Variants in HLA-E observed in about 807,000 individuals in gnomAD.
HLA-E encodes the protein major histocompatibility complex, class I, E.
In HLA-E, 25 loss-of-function variants were observed where a neutral mutation model predicts 43.4. That is an observed-to-expected ratio of 0.58 (90% CI 0.42 to 0.80). The LOEUF is 0.80. Among genes scored for constraint, HLA-E ranks in the 30% least tolerant of loss-of-function variants. The pLI is 0.00. For missense variants in HLA-E, 343 were observed against 470.0 expected, an observed-to-expected ratio of 0.73 and a Z score of 2.50; for synonymous variants, 161 against 197.6, an observed-to-expected ratio of 0.81 and a Z score of 1.55.
Position 30,491,406 on chromosome 6 carries a change from A to G in HLA-E, c.880A>G (p.Arg294Gly). 6.2e-7 allele frequency: 1 copy of G among 1,614,122 alleles called. No individual in the cohort carries two copies. The highest frequency in any genetic ancestry group is 8.5e-7 in the Non-Finnish European group (1 of 1,180,018). Reference protein sequence around the residue: ...HEGLPEPVTLRWKPASQPTIP... With the variant: ...HEGLPEPVTLGWKPASQPTIP... ...GGGGCTACCCGAGCCCGTCACCCTG[A>G]GATGGAGTAAGGAGGGGGATGGGAG... The change falls in exon 4 of 8, where the codon AGA becomes GGA. Residue 294 changes from arginine (R) to glycine (G), a missense_variant. Physicochemically the swap from Arg to Gly is moderately radical, Grantham distance 125. This residue lies in a region of HLA-E where 190 missense variants were observed against 283.6 expected (regional missense o/e 0.67). Transcript: ENST00000376630. The surrounding 1 kb of genome is among the most constrained non-coding windows in gnomAD (Gnocchi z 5.4).
At position 30,491,528 on chromosome 6, in the gene HLA-E, T is replaced by C; in HGVS notation, c.887-9T>C. 1.2e-6 allele frequency: 2 copies of C among 1,612,838 alleles called. No individual in the cohort carries two copies. The highest frequency in any genetic ancestry group is 2.2e-5 in the South Asian group (2 of 91,028). On this transcript the variant is annotated splice_polypyrimidine_tract_variant and intron_variant, in intron 4 of 7. Transcript: ENST00000376630. This position sits in a 1 kb window ranked among gnomAD's most constrained non-coding sequence, Gnocchi z 5.4. ...GGTCAGGGCCCCTTACGTTCCCCTC[T>C]TTTCCCAGAGCCGGCTTCCCAGCCC...
chr6:30,492,520 C>T lies in HLA-E; in HGVS notation c.1037-21C>T. The T allele has an allele frequency of 1.2e-6, 2 of 1,613,868 alleles. No homozygotes were observed. Among genetic ancestry groups the T allele is most frequent in the Non-Finnish European group, 1.7e-6 (2 of 1,179,974 alleles). ...CATCTCCTGTGGGCTCTGACCAGGT[C>T]TTGTTTTTGTTCTACCCCAGGGAGC... is the stretch of plus-strand genomic sequence containing the variant. On this transcript the variant is annotated intron_variant, in intron 6 of 7. Coordinates refer to ENST00000376630, the MANE Select transcript of HLA-E (RefSeq NM_005516.6). This position sits in a 1 kb window ranked among gnomAD's most constrained non-coding sequence, Gnocchi z 4.5.
chr6:30,491,027 T>C lies in HLA-E; in HGVS notation c.611-110T>C, dbSNP rs560134402. On this transcript the variant is annotated intron_variant, in intron 3 of 7. Transcript: ENST00000376630. This position sits in a 1 kb window ranked among gnomAD's most constrained non-coding sequence, Gnocchi z 5.4. ...CCAGGCTGGTGTCAAGGTTTTGTCC[T>C]CTTCTCCTACTATAATTGTCCTCTT... 1.4e-6 allele frequency: 2 copies of C among 1,448,240 alleles called. No individual in the cohort carries two copies. The highest frequency in any genetic ancestry group is 4.6e-5 in the East Asian group (2 of 43,848). The allele number at this position is 1,448,240 out of a possible 1,614,324, so 89.7% of individuals were successfully genotyped here. A position where few individuals can be genotyped will look rare whatever the true frequency, so the allele number is the denominator to read the frequency against.
In HLA-E at chr6:30,492,474, C is replaced by G. The variant is rs750466349; in HGVS notation, c.1036+38C>G. 6.2e-7 allele frequency: 1 copy of G among 1,613,878 alleles called. No homozygotes were observed. The highest frequency in any genetic ancestry group is 8.5e-7 in the Non-Finnish European group (1 of 1,179,814). On this transcript the variant is annotated intron_variant, in intron 6 of 7. Transcript: ENST00000376630. This position sits in a 1 kb window ranked among gnomAD's most constrained non-coding sequence, Gnocchi z 4.5. ...CGGGAGCGTGGAGGAGCTCGCCCAC[C>G]CTATAATTCCTCCTGCACCACATCT...
At position 30,491,062 on chromosome 6, in the gene HLA-E, G is replaced by T; in HGVS notation, c.611-75G>T. On this transcript the variant is annotated intron_variant, in intron 3 of 7. Transcript: ENST00000376630. The surrounding 1 kb of genome is among the most constrained non-coding windows in gnomAD (Gnocchi z 5.4). ...CTATAATTGTCCTCTTCCTTCTCAG[G>T]ATGGTCACATGGGTGCTGCTGGAGT... The T allele has an allele frequency of 6.4e-7, 1 of 1,560,660 alleles. No individual in the cohort carries two copies. The highest frequency in any genetic ancestry group is 8.7e-7 in the Non-Finnish European group (1 of 1,146,506).
Position 30,492,575 on chromosome 6 carries a change from C to G in HLA-E, c.1071C>G (p.Ser357Arg). ...SDSAQGSESH[S>R]L ...GTGCCCAGGGGTCTGAGTCTCACAG[C>G]TTGTAAAGGTGAGATTCTGGGGGTC... Residue 357 changes from serine (S) to arginine (R), a missense_variant, in exon 7 of 8, where the codon AGC becomes AGG. This residue lies in a region of HLA-E where 190 missense variants were observed against 283.6 expected (regional missense o/e 0.67). Coordinates refer to ENST00000376630, the MANE Select transcript of HLA-E (RefSeq NM_005516.6). This position sits in a 1 kb window ranked among gnomAD's most constrained non-coding sequence, Gnocchi z 4.5. 2 of 1,613,890 alleles carry G rather than the reference C, an allele frequency of 1.2e-6. No homozygotes were observed.
At position 30,491,074 on chromosome 6, in the gene HLA-E, G is replaced by A. The variant is rs934056452; in HGVS notation, c.611-63G>A. ...TCTTCCTTCTCAGGATGGTCACATG[G>A]GTGCTGCTGGAGTGTCCCATGAGAG... is the stretch of plus-strand genomic sequence containing the variant. On this transcript the variant is annotated intron_variant, in intron 3 of 7. Transcript: ENST00000376630. The surrounding 1 kb of genome is among the most constrained non-coding windows in gnomAD (Gnocchi z 5.4). 3 of 1,581,844 alleles carry A rather than the reference G, an allele frequency of 1.9e-6. No homozygotes were observed. In the Admixed American group the frequency reaches 5.2e-5, roughly 27 times the overall value.
At position 30,491,621 on chromosome 6, in the gene HLA-E, T is replaced by C. The variant is rs1938365801; in HGVS notation, c.971T>C (p.Val324Ala). 6.2e-7 allele frequency: 1 copy of C among 1,613,194 alleles called. No individual in the cohort carries two copies. Among genetic ancestry groups the C allele is most frequent in the African/African-American group, 1.3e-5 (1 of 74,896 alleles). The change falls in exon 5 of 8, where the codon GTT (valine) becomes GCT (alanine). Residue 324 changes from valine (V) to alanine (A), a missense_variant. Physicochemically the swap from Val to Ala is moderately conservative, Grantham distance 64. Around this residue, in one of 3 missense-constraint regions of HLA-E, gnomAD observed 190 missense variants for 283.6 expected, o/e 0.67. Transcript: ENST00000376630. The surrounding 1 kb of genome is among the most constrained non-coding windows in gnomAD (Gnocchi z 5.4). ...GGATCTGTGGTCTCTGGAGCTGTGG[T>C]TGCTGCTGTGATATGGAGGAAGAAG... ...LLGSVVSGAVVAAVIWRKKSS... is the reference protein window; with the variant it reads ...LLGSVVSGAVAAAVIWRKKSS...
chr6:30,489,956 C>T lies in HLA-E; in HGVS notation c.295C>T (p.Leu99=). 6.2e-7 allele frequency: 1 copy of T among 1,611,184 alleles called. No individual in the cohort carries two copies. The highest frequency in any genetic ancestry group is 8.5e-7 in the Non-Finnish European group (1 of 1,178,792). The change falls in exon 2 of 8, where the codon CTG becomes TTG. Residue 99 remains leucine (L), a synonymous_variant. Transcript: ENST00000376630. This position sits in a 1 kb window ranked among gnomAD's most constrained non-coding sequence, Gnocchi z 5.6. ...RDTAQIFRVN[L]RTLRGYYNQS... ...CACCGCACAGATTTTCCGAGTGAATCTGCGGACGCTGCGCGGCTACTACAA... is the reference window on the plus strand; with the variant it reads ...CACCGCACAGATTTTCCGAGTGAATTTGCGGACGCTGCGCGGCTACTACAA...
chr6:30,489,527 G>C lies in HLA-E; in HGVS notation c.-5G>C. ...AGAAGTTCTCAGGACTCAGAGGCTGGGATCATGGTAGATGGAACCCTCCTT... is the reference window on the plus strand; with the variant it reads ...AGAAGTTCTCAGGACTCAGAGGCTGCGATCATGGTAGATGGAACCCTCCTT... On this transcript the variant is annotated 5_prime_UTR_variant, in exon 1 of 8. Coordinates refer to ENST00000376630, the MANE Select transcript of HLA-E (RefSeq NM_005516.6). The surrounding 1 kb of genome is among the most constrained non-coding windows in gnomAD (Gnocchi z 5.6). The C allele has an allele frequency of 6.6e-7, 1 of 1,517,450 alleles. No homozygotes were observed. The highest frequency in any genetic ancestry group is 1.3e-5 in the South Asian group (1 of 75,438). The allele number at this position is 1,517,450 out of a possible 1,614,324, so 94.0% of individuals were successfully genotyped here. A position where few individuals can be genotyped will look rare whatever the true frequency, so the allele number is the denominator to read the frequency against.
chr6:30,491,075 G>T lies in HLA-E; in HGVS notation c.611-62G>T. On this transcript the variant is annotated intron_variant, in intron 3 of 7. Coordinates refer to ENST00000376630, the MANE Select transcript of HLA-E (RefSeq NM_005516.6). The surrounding 1 kb of genome is among the most constrained non-coding windows in gnomAD (Gnocchi z 5.4). Reference sequence around the variant, plus strand: ...CTTCCTTCTCAGGATGGTCACATGGGTGCTGCTGGAGTGTCCCATGAGAGA... The same window carrying T: ...CTTCCTTCTCAGGATGGTCACATGGTTGCTGCTGGAGTGTCCCATGAGAGA... 1 of 1,583,470 alleles carries T rather than the reference G, an allele frequency of 6.3e-7. No individual in the cohort carries two copies. Among genetic ancestry groups the T allele is most frequent in the Admixed American group, 1.7e-5 (1 of 57,860 alleles).
rs566930407 is a variant in HLA-E, at chr6:30,493,951, C to G, written c.*1205C>G. ...TTTAGGCACCAGCCTGCAACCCATTCGAGCAGCCACGTAGGCTGCACCCAG... is the reference window on the plus strand; with the variant it reads ...TTTAGGCACCAGCCTGCAACCCATTGGAGCAGCCACGTAGGCTGCACCCAG... On this transcript the variant is annotated 3_prime_UTR_variant, in exon 8 of 8. Transcript: ENST00000376630. This position sits in a 1 kb window ranked among gnomAD's most constrained non-coding sequence, Gnocchi z 5.5. 2.6e-5 allele frequency: 4 copies of G among 152,280 alleles called. No individual in the cohort carries two copies. The highest frequency in any genetic ancestry group is 5.9e-5 in the Non-Finnish European group (4 of 68,096). The allele number at this position is 152,280 out of a possible 1,614,324, so 9.4% of individuals were successfully genotyped here.
chr6:30,492,635 A>G lies in HLA-E; in HGVS notation c.*2+52A>G. On this transcript the variant is annotated intron_variant, in intron 7 of 7. Coordinates refer to ENST00000376630, the MANE Select transcript of HLA-E (RefSeq NM_005516.6). The surrounding 1 kb of genome is among the most constrained non-coding windows in gnomAD (Gnocchi z 4.5). ...TGGAGGGTGGGGCAGAGGGGACAGG[A>G]CTGGGTTGTGGGGATTTTTTGATTC... 6.4e-7 allele frequency: 1 copy of G among 1,565,904 alleles called. No homozygotes were observed.
rs1796558218 is a variant in HLA-E, at chr6:30,491,754, C to A, written c.1003+101C>A. On this transcript the variant is annotated intron_variant, in intron 5 of 7. Transcript: ENST00000376630. This position sits in a 1 kb window ranked among gnomAD's most constrained non-coding sequence, Gnocchi z 5.4. ...CTGCCTCGTTACTGGGAAGCACCAT[C>A]CACACACACGAGCCTACCCAGCCTG... 1.0e-6 allele frequency: 1 copy of A among 960,416 alleles called. No homozygotes were observed. Among genetic ancestry groups the A allele is most frequent in the Non-Finnish European group, 1.6e-6 (1 of 627,672 alleles). The allele number at this position is 960,416 out of a possible 1,614,324, so 59.5% of individuals were successfully genotyped here.
Position 30,491,017 on chromosome 6 carries a change from G to A in HLA-E, c.611-120G>A, listed in dbSNP as rs1309462235. On this transcript the variant is annotated intron_variant, in intron 3 of 7. Coordinates refer to ENST00000376630, the MANE Select transcript of HLA-E (RefSeq NM_005516.6). This position sits in a 1 kb window ranked among gnomAD's most constrained non-coding sequence, Gnocchi z 5.4. ...ATCCCTAAGTCCAGGCTGGTGTCAA[G>A]GTTTTGTCCTCTTCTCCTACTATAA... 3 of 1,380,128 alleles carry A rather than the reference G, an allele frequency of 2.2e-6. No homozygotes were observed. Among genetic ancestry groups the A allele is most frequent in the Non-Finnish European group, 3.0e-6 (3 of 1,002,078 alleles). 85.5% of individuals were successfully genotyped at this position (1,380,128 alleles called of 1,614,324 possible). A position where few individuals can be genotyped will look rare whatever the true frequency, so the allele number is the denominator to read the frequency against.
Position 30,492,367 on chromosome 6 carries a change from C to T in HLA-E, c.1004-37C>T. 1 of 1,613,238 alleles carries T rather than the reference C, an allele frequency of 6.2e-7. No individual in the cohort carries two copies. The highest frequency in any genetic ancestry group is 8.5e-7 in the Non-Finnish European group (1 of 1,179,200). The stretch of plus-strand genomic sequence containing the variant: ...CCTCTAGGACCTTATGGCCCTGCCT[C>T]CTCCCTGGCCCCTCACAGGACATTT... On this transcript the variant is annotated intron_variant, in intron 5 of 7. Transcript: ENST00000376630. The surrounding 1 kb of genome is among the most constrained non-coding windows in gnomAD (Gnocchi z 4.5).
In HLA-E at chr6:30,490,657, A is replaced by T; in HGVS notation, c.610+142A>T. 1.3e-6 allele frequency: 1 copy of T among 797,356 alleles called. No individual in the cohort carries two copies. Among genetic ancestry groups the T allele is most frequent in the East Asian group, 2.7e-5 (1 of 37,258 alleles). 49.4% of individuals were successfully genotyped at this position (797,356 alleles called of 1,614,324 possible). ...CCTTGGATCAGGAGAGGGAGCTGTC[A>T]CCTGAGGTACAGGAGATCCTATACC... On this transcript the variant is annotated intron_variant, in intron 3 of 7. Coordinates refer to ENST00000376630, the MANE Select transcript of HLA-E (RefSeq NM_005516.6). This position sits in a 1 kb window ranked among gnomAD's most constrained non-coding sequence, Gnocchi z 6.6.
In HLA-E at chr6:30,492,254, A is replaced by C. The variant is rs1796592370; in HGVS notation, c.1004-150A>C. ...CAGAAGGGCAGTTGATCCAGGACCCACACCTGCTTTCTTCACGTTTCCTGA... is the reference window on the plus strand; with the variant it reads ...CAGAAGGGCAGTTGATCCAGGACCCCCACCTGCTTTCTTCACGTTTCCTGA... On this transcript the variant is annotated intron_variant, in intron 5 of 7. Transcript: ENST00000376630. This position sits in a 1 kb window ranked among gnomAD's most constrained non-coding sequence, Gnocchi z 4.5. 1.2e-6 allele frequency: 1 copy of C among 838,564 alleles called. No homozygotes were observed. The highest frequency in any genetic ancestry group is 2.1e-6 in the Non-Finnish European group (1 of 480,486). The allele number at this position is 838,564 out of a possible 1,614,324, so 51.9% of individuals were successfully genotyped here. A position where few individuals can be genotyped will look rare whatever the true frequency, so the allele number is the denominator to read the frequency against.
rs1463548515 is a variant in HLA-E, at chr6:30,490,884, GTCAC to G, written c.611-249_611-246del. On this transcript the variant is annotated intron_variant, in intron 3 of 7. Coordinates refer to ENST00000376630, the MANE Select transcript of HLA-E (RefSeq NM_005516.6). This position sits in a 1 kb window ranked among gnomAD's most constrained non-coding sequence, Gnocchi z 6.6. ...GGAGGTCTGACTCCAGCTTTTCTCAGTCACTCAGCATCCACACAGGCCAGGACCA... is the reference window on the plus strand; with the variant it reads ...GGAGGTCTGACTCCAGCTTTTCTCAGTCAGCATCCACACAGGCCAGGACCA... 2.0e-5 allele frequency among the ~76,000 whole-genome samples: 3 copies of G among 152,240 alleles called. No homozygotes were observed. Among genetic ancestry groups the G allele is most frequent in the African/African-American group, 7.2e-5 (3 of 41,538 alleles).
Sources: gnomAD v4.1 joint callset for allele counts (sites outside exome capture counted in the v4.1 genomes callset) on GRCh38, gnomAD v4.1.1 for gene constraint, gnomAD v4.1.1 regional missense constraint, Gnocchi (gnomAD v3.1) non-coding constraint, MANE v1.5 for transcripts, NCBI Gene and HGNC (gene_info 2026-07-23, HGNC 2026-07-21) for gene names.